VAT1L: variants seen among roughly 807,000 people sequenced by gnomAD.
The protein encoded by VAT1L is vesicle amine transport 1 like.
VAT1L carries 34 observed loss-of-function variants against 44.1 expected under a neutral mutation model. The observed-to-expected ratio is 0.77, with a 90% confidence interval of 0.59 to 1.03. The LOEUF (loss-of-function observed/expected upper bound fraction) is 1.03, where lower values mean the gene tolerates loss of function less well. VAT1L is among the 50% of genes least tolerant of loss of function. The pLI is 0.00. For missense variants in VAT1L, 615 were observed against 538.8 expected (o/e 1.14, Z -1.40); for synonymous variants, 253 against 202.2 (o/e 1.25, Z -2.13).
chr16:77,967,344 G>A (rs2018233949), intron 7 of VAT1L, among the ~76,000 whole-genome samples: 1 of 152,206 alleles, frequency 6.6e-6, no homozygotes, highest in South Asian at 2.1e-4. Context: ...TGAAACTGAT[G>A]CAGACACTTC....
At chr16:77,939,562 C>A (rs1239849317) in intron 7 of VAT1L, among the ~76,000 whole-genome samples, 2 of 152,164 alleles carry the variant, frequency 1.3e-5, no homozygotes, top group Non-Finnish European at 2.9e-5. Context: ...CTCCAAAGCT[C>A]TCTCCCTAAA....
intron 7 of VAT1L, among the ~76,000 whole-genome samples, chr16:77,955,598 G>A (rs888753708): frequency 5.9e-5 from 9 of 152,150 alleles, no homozygotes; most frequent in East Asian, 3.9e-4. Context: ...GATGGCACTC[G>A]TCTGTAACCC....
At position 77,798,869 on chromosome 16, in the gene VAT1L, C is replaced by T. The variant is rs147877847; in HGVS notation, c.233+9954C>T. Among the ~76,000 whole-genome samples, 549 of 152,266 alleles carry T rather than the reference C, an allele frequency of 3.6e-3. 4 individuals are homozygous for T. The highest frequency in any genetic ancestry group is 0.013 in the African/African-American group (520 of 41,540). ...AGATCTTCAGAGGGCGGGAAGGCCA[C>T]CCCCTTACTCCCTCCCCTCTCTCGT... is the stretch of plus-strand genomic sequence containing the variant. On this transcript the variant is annotated intron_variant, in intron 1 of 8. Coordinates refer to ENST00000302536, the MANE Select transcript of VAT1L (RefSeq NM_020927.3).
intron 4 of VAT1L, among the ~76,000 whole-genome samples, chr16:77,875,270 G>C (rs914242525): frequency 2.1e-4 from 32 of 152,354 alleles, no homozygotes; most frequent in Admixed American, 2.1e-3. Context: ...CTTAGTCTCT[G>C]CACCCAGGAG....
At chr16:77,866,436 G>T (rs554624489) in intron 4 of VAT1L, among the ~76,000 whole-genome samples, 72 of 152,054 alleles carry the variant, frequency 4.7e-4, no homozygotes, top group Middle Eastern at 6.8e-3. Flanking sequence ...CAGAATGCCA[G>T]ATTCCATCTA....
At chr16:77,878,811 G>C (rs1053061108) in intron 5 of VAT1L, among the ~76,000 whole-genome samples, 2 of 152,130 alleles carry the variant, frequency 1.3e-5, no homozygotes, top group African/African-American at 4.8e-5. Context: ...GAATCACAAA[G>C]TAGATTCACT....
intron 3 of VAT1L, among the ~76,000 whole-genome samples, chr16:77,846,101 T>G (rs2016755956): frequency 6.6e-6 from 1 of 152,196 alleles, no homozygotes; most frequent in Non-Finnish European, 1.5e-5. Flanking sequence ...TCAAATTAAA[T>G]GGATGAACTT....
At chr16:77,801,232 G>C (rs1413724767) in intron 1 of VAT1L, 2 of 152,138 alleles carry the variant, frequency 1.3e-5, no homozygotes, top group African/African-American at 4.8e-5. Context: ...GAAAAAGCAT[G>C]ATGAAGAAAG....
At chr16:77,814,888 C>G (rs2016325652) in intron 1 of VAT1L, among the ~76,000 whole-genome samples, 1 of 152,174 alleles carries the variant, frequency 6.6e-6, no homozygotes, top group Non-Finnish European at 1.5e-5. Flanking sequence ...CTTCTGCCTT[C>G]TTAACGGAAG....
chr16:77,821,573 A>C (rs113331764), intron 2 of VAT1L, among the ~76,000 whole-genome samples: 1 of 152,040 alleles, frequency 6.6e-6, no homozygotes, highest in African/African-American at 2.4e-5. Flanking sequence ...GATTACAGGC[A>C]TGAGCCACCG....
intron 4 of VAT1L, among the ~76,000 whole-genome samples, chr16:77,864,440 C>A (rs541393275): frequency 2.0e-5 from 3 of 150,554 alleles, no homozygotes; most frequent in African/African-American, 5.0e-5. Flanking sequence ...CTGTGCCCCC[C>A]CACAAAAATA....
At chr16:77,894,106 A>G (rs2017296557) in intron 7 of VAT1L, among the ~76,000 whole-genome samples, 2 of 152,198 alleles carry the variant, frequency 1.3e-5, no homozygotes, top group African/African-American at 4.8e-5. Context: ...TCTCGAGTCC[A>G]TGCTATGGAC....
At chr16:77,893,142 C>G (rs1164460424) in intron 7 of VAT1L, among the ~76,000 whole-genome samples, 1 of 152,106 alleles carries the variant, frequency 6.6e-6, no homozygotes. Flanking sequence ...AAAGCCTCTC[C>G]CAAAAGCAGG....
At chr16:77,817,239 C>T (rs1036895269) in intron 2 of VAT1L, among the ~76,000 whole-genome samples, 189 bp downstream of exon 2, 1 of 152,142 alleles carries the variant, frequency 6.6e-6, no homozygotes, top group African/African-American at 2.4e-5. Context: ...ATCTTGGTTG[C>T]TCCTGGCAGC....
At position 77,954,020 on chromosome 16, in the gene VAT1L, C is replaced by T. The variant is rs553916818; in HGVS notation, c.1078-17830C>T. Among the ~76,000 whole-genome samples, 102 of 152,280 alleles carry T rather than the reference C, an allele frequency of 6.7e-4. 1 individual carries two copies. Among genetic ancestry groups the T allele is most frequent in the African/African-American group, 2.3e-3 (97 of 41,562 alleles). On this transcript the variant is annotated intron_variant, in intron 7 of 8. Coordinates refer to ENST00000302536, the MANE Select transcript of VAT1L (RefSeq NM_020927.3). The stretch of plus-strand genomic sequence containing the variant: ...CTAATTCTAACTTCTCACACACATC[C>T]TGTGTGACCCCACCACCACTGAGAT...
intron 8 of VAT1L, among the ~76,000 whole-genome samples, chr16:77,972,635 G>T (rs898661403): frequency 2.6e-5 from 4 of 152,098 alleles, no homozygotes; most frequent in Non-Finnish European, 5.9e-5. Flanking sequence ...ACAAAAATTA[G>T]CCGGGTGTGG....
At chr16:77,880,535 C>G (rs1301419779) in intron 6 of VAT1L, among the ~76,000 whole-genome samples, 1 of 150,720 alleles carries the variant, frequency 6.6e-6, no homozygotes, top group Non-Finnish European at 1.5e-5. Flanking sequence ...AATGAACCAC[C>G]AGTACACCAG....
chr16:77,934,776 G>A (rs2017772704), intron 7 of VAT1L, among the ~76,000 whole-genome samples: 1 of 152,136 alleles, frequency 6.6e-6, no homozygotes, highest in African/African-American at 2.4e-5. Flanking sequence ...AAATGGAAAA[G>A]TACTTAATTG....
chr16:77,804,532 C>A (rs560483117), intron 1 of VAT1L, among the ~76,000 whole-genome samples: 2 of 152,268 alleles, frequency 1.3e-5, no homozygotes, highest in South Asian at 4.2e-4. Context: ...TTCCCAGACA[C>A]GGTAGAAACA....
Sources: gnomAD v4.1 joint callset for allele counts (sites outside exome capture counted in the v4.1 genomes callset) on GRCh38, gnomAD v4.1.1 for gene constraint, MANE v1.5 for transcripts, NCBI Gene and HGNC (gene_info 2026-07-23, HGNC 2026-07-21) for gene names.